The following CLOCK variants were observed in gnomAD, a reference collection of about 807,000 sequenced individuals.
CLOCK encodes the protein clock circadian regulator, also known as circadian locomoter output cycles protein kaput.
A neutral mutation model predicts 118.4 loss-of-function variants in CLOCK; 43 were observed. That is an observed-to-expected ratio of 0.36 (90% CI 0.28 to 0.47). The LOEUF is 0.47. CLOCK is among the 20% of genes least tolerant of loss of function. The pLI is 1.00. For missense variants in CLOCK, 846 were observed against 999.9 expected (o/e 0.85, Z 2.08); for synonymous variants, 326 against 339.2 (o/e 0.96, Z 0.43).
chr4:55,513,042 G>A (rs1729263485), intron 1 of CLOCK, among the ~76,000 whole-genome samples: 1 of 152,078 alleles, frequency 6.6e-6, no homozygotes, highest in African/African-American at 2.4e-5. Context: ...TAGTCTAAGT[G>A]TACAGTGTAT....
intron 8 of CLOCK, 150 bp downstream of exon 8, chr4:55,470,567 C>A: frequency 1.7e-6 from 1 of 598,518 alleles, no homozygotes; most frequent in East Asian, 2.9e-5. Context: ...GCTGAGAAAA[C>A]ACATGCTGAA....
intron 1 of CLOCK, among the ~76,000 whole-genome samples, chr4:55,532,047 C>CA (rs1730590470): frequency 6.6e-6 from 1 of 151,990 alleles, no homozygotes; most frequent in African/African-American, 2.4e-5. Context: ...GGTAATATAC[C>CA]ACATTAATAA....
chr4:55,494,584 G>A (rs1172251597), intron 2 of CLOCK, among the ~76,000 whole-genome samples: 2 of 152,030 alleles, frequency 1.3e-5, no homozygotes, highest in African/African-American at 4.8e-5. Flanking sequence ...GGATAGGAGG[G>A]GGGATGAGGG....
At chr4:55,473,433 A>G (rs1435161078) in intron 7 of CLOCK, among the ~76,000 whole-genome samples, 1 of 151,814 alleles carries the variant, frequency 6.6e-6, no homozygotes, top group Non-Finnish European at 1.5e-5. Flanking sequence ...TGTTTATAAT[A>G]TATTTATACT....
rs1207276710 is a variant in CLOCK, at chr4:55,430,427, AAAGT to A, written c.*4984_*4987del. 6.6e-6 allele frequency: 1 copy of A among 152,232 alleles called. No homozygotes were observed. The highest frequency in any genetic ancestry group is 2.4e-5 in the African/African-American group (1 of 41,470). The allele number at this position is 152,232 out of a possible 1,614,324, so 9.4% of individuals were successfully genotyped here. A position where few individuals can be genotyped will look rare whatever the true frequency, so the allele number is the denominator to read the frequency against. ...CTATGCAAAACAGTCACATGGAAAG[AAAGT>A]ATTTTAATTTTTAAAATCCAAGTTT... On this transcript the variant is annotated 3_prime_UTR_variant, in exon 23 of 23. Coordinates refer to ENST00000513440, the MANE Select transcript of CLOCK (RefSeq NM_004898.4).
At chr4:55,448,599 CGCGTGTGTGTGTGTGTGTGTGTGTGT>C (rs1724122618) in intron 18 of CLOCK, among the ~76,000 whole-genome samples, 154 bp downstream of exon 18, 1 of 105,592 alleles carries the variant, frequency 9.5e-6, no homozygotes, top group African/African-American at 3.4e-5. Flanking sequence ...CGCGCACGCG[CGCGTGTGTGTGTGTGTGTGTGTGTGT>C]GTGTGTGTGT....
chr4:55,442,486 T>C lies in CLOCK; in HGVS notation c.2051A>G (p.Gln684Arg). The change falls in exon 21 of 23, where the codon CAA (glutamine) becomes CGA (arginine). Residue 684 changes from glutamine (Q) to arginine (R), a missense_variant. Physicochemically the swap from Gln to Arg is conservative, Grantham distance 43. This residue lies in a region of CLOCK where 520 missense variants were observed against 558.0 expected (regional missense o/e 0.93). Coordinates refer to ENST00000513440, the MANE Select transcript of CLOCK (RefSeq NM_004898.4). ...SMVQIPSSMP[Q>R]NSTQSAAVTT... is the part of the protein sequence containing the mutation. Reference sequence around the variant, plus strand: ...TACTGCAGCACTCTGGGTGCTGTTTTGTGGCATACTAGATGGAATCTGGAC... The same window carrying C: ...TACTGCAGCACTCTGGGTGCTGTTTCGTGGCATACTAGATGGAATCTGGAC... 1 of 1,606,132 alleles carries C rather than the reference T, an allele frequency of 6.2e-7. No individual in the cohort carries two copies. Among genetic ancestry groups the C allele is most frequent in the Non-Finnish European group, 8.5e-7 (1 of 1,178,178 alleles).
intron 8 of CLOCK, among the ~76,000 whole-genome samples, chr4:55,465,718 G>A (rs959874671): frequency 6.6e-6 from 1 of 152,170 alleles, no homozygotes; most frequent in African/African-American, 2.4e-5. Flanking sequence ...TTGGGAGGCT[G>A]AGGCAGGTGG....
rs138743406 is a variant in CLOCK at position 55,438,503 on chromosome 4, C to T, written c.2140G>A (p.Val714Met). 4.3e-5 allele frequency: 70 copies of T among 1,613,530 alleles called. 1 individual carries two copies. In the Admixed American group the frequency reaches 9.0e-4, roughly 21 times the overall value. ...GCCCCACAAGCTACAGGAGCAGTCACTAATTTGGTCACAAGTTGTTGACCT... is the reference window on the plus strand; with the variant it reads ...GCCCCACAAGCTACAGGAGCAGTCATTAATTTGGTCACAAGTTGTTGACCT... ...SQGQQLVTKL[V>M]TAPVACGAVM... Residue 714 changes from valine (V) to methionine (M), a missense_variant, in exon 22 of 23, where the codon GTG becomes ATG. Val to Met is a conservative substitution (Grantham distance 21). Around this residue, in one of 4 missense-constraint regions of CLOCK, gnomAD observed 520 missense variants for 558.0 expected, o/e 0.93. Coordinates refer to ENST00000513440, the MANE Select transcript of CLOCK (RefSeq NM_004898.4).
In CLOCK at chr4:55,444,772, G is replaced by A. The variant is rs1278388353; in HGVS notation, c.1553C>T (p.Ala518Val). ...PQGMSQFQFSAQLGAMQHLKD... is the reference protein window; with the variant it reads ...PQGMSQFQFSVQLGAMQHLKD... Reference sequence around the variant, plus strand: ...CAGATGTTGCATGGCTCCTAATTGAGCTGAAAACTGAAACTGAAGTACCAT... The same window carrying A: ...CAGATGTTGCATGGCTCCTAATTGAACTGAAAACTGAAACTGAAGTACCAT... The change falls in exon 19 of 23, where the codon GCT becomes GTT. Residue 518 changes from alanine (A) to valine (V), a missense_variant. This residue lies in a region of CLOCK where 520 missense variants were observed against 558.0 expected (regional missense o/e 0.93). Coordinates refer to ENST00000513440, the MANE Select transcript of CLOCK (RefSeq NM_004898.4). 6 of 1,613,936 alleles carry A rather than the reference G, an allele frequency of 3.7e-6. No individual in the cohort carries two copies. The highest frequency in any genetic ancestry group is 5.1e-6 in the Non-Finnish European group (6 of 1,179,978).
Position 55,447,704 on chromosome 4 carries a change from T to C in CLOCK, c.1539+1075A>G, listed in dbSNP as rs534472802. 1.2e-4 allele frequency among the ~76,000 whole-genome samples: 18 copies of C among 152,260 alleles called. No individual in the cohort carries two copies. In the East Asian group the frequency reaches 1.9e-3, roughly 16 times the overall value. ...TCCTGAGATTAAAAAACTAATAATA[T>C]AGAAAGTATGTATCTCCTATCATAT... is the stretch of plus-strand genomic sequence containing the variant. On this transcript the variant is annotated intron_variant, in intron 18 of 22. Coordinates refer to ENST00000513440, the MANE Select transcript of CLOCK (RefSeq NM_004898.4).
Position 55,507,280 on chromosome 4 carries a change from C to T in CLOCK, c.-136+2632G>A, listed in dbSNP as rs530435137. ...CTGAGATCATGCCACTGCACTCTGG[C>T]GTGGGTGACAGAGCAAGACCGTGTC... On this transcript the variant is annotated intron_variant, in intron 2 of 22. Transcript: ENST00000513440. Among the ~76,000 whole-genome samples the T allele has an allele frequency of 1.3e-4, 19 of 151,928 alleles. No individual in the cohort carries two copies. In the South Asian group the frequency reaches 2.5e-3, roughly 20 times the overall value.
chr4:55,436,734 C>T (rs1438621403), intron 22 of CLOCK, among the ~76,000 whole-genome samples: 1 of 152,038 alleles, frequency 6.6e-6, no homozygotes, highest in African/African-American at 2.4e-5. Flanking sequence ...AGACTTGATA[C>T]TTATGAGCCT....
intron 20 of CLOCK, 123 bp from the exon 21 acceptor site, chr4:55,442,757 A>T: frequency 1.2e-6 from 1 of 841,904 alleles, no homozygotes; most frequent in Non-Finnish European, 1.9e-6. Flanking sequence ...AGGATATATT[A>T]CTCTGGGGGA....
intron 2 of CLOCK, among the ~76,000 whole-genome samples, chr4:55,491,491 A>C (rs2109951735): frequency 6.6e-6 from 1 of 151,774 alleles, no homozygotes; most frequent in African/African-American, 2.4e-5. Context: ...TAAAAGGAGA[A>C]ATTACAACTG....
At chr4:55,519,972 A>G (rs1729758066) in intron 1 of CLOCK, among the ~76,000 whole-genome samples, 1 of 151,910 alleles carries the variant, frequency 6.6e-6, no homozygotes, top group African/African-American at 2.4e-5. Flanking sequence ...ACAGGGATCC[A>G]CTCTTTCCCT....
intron 1 of CLOCK, among the ~76,000 whole-genome samples, chr4:55,514,626 G>A (rs1203024014): frequency 6.6e-6 from 1 of 151,682 alleles, no homozygotes; most frequent in Non-Finnish European, 1.5e-5. Flanking sequence ...TGGGTGTTGG[G>A]TTCTGTCAAA....
chr4:55,437,180 C>CA (rs1290673154), intron 22 of CLOCK, among the ~76,000 whole-genome samples: 1 of 152,184 alleles, frequency 6.6e-6, no homozygotes, highest in Non-Finnish European at 1.5e-5. Context: ...TAGTTTTCTA[C>CA]ATCACAAAGA....
intron 1 of CLOCK, among the ~76,000 whole-genome samples, chr4:55,533,010 C>G (rs369747000): frequency 6.6e-6 from 1 of 152,210 alleles, no homozygotes; most frequent in East Asian, 1.9e-4. Context: ...TGTTTTTAAA[C>G]TGAAAGAGTT....
Sources: allele counts gnomAD v4.1 joint callset (sites outside exome capture counted in the v4.1 genomes callset), GRCh38; gene constraint gnomAD v4.1.1; regional missense constraint gnomAD v4.1.1; transcripts MANE v1.5; gene names NCBI Gene and HGNC (gene_info 2026-07-23, HGNC 2026-07-21).